MACROD2: variants seen among roughly 807,000 people sequenced by gnomAD.
The protein encoded by MACROD2 is mono-ADP ribosylhydrolase 2.
In MACROD2, 36 loss-of-function variants were observed where a neutral mutation model predicts 70.4. That is an observed-to-expected ratio of 0.51 (90% CI 0.39 to 0.68). The LOEUF (loss-of-function observed/expected upper bound fraction) is 0.68, where lower values mean the gene tolerates loss of function less well. MACROD2 is among the 30% of genes least tolerant of loss of function. The pLI is 0.00. For synonymous variants in MACROD2, 172 were observed against 178.8 expected (o/e 0.96, Z 0.30); for missense variants, 496 against 538.4 (o/e 0.92, Z 0.78).
At chr20:14,497,459 A>G (rs929647488) in intron 4 of MACROD2, among the ~76,000 whole-genome samples, 6 of 151,822 alleles carry the variant, frequency 4.0e-5, no homozygotes, top group African/African-American at 1.5e-4. Context: ...AAAAATCAGA[A>G]CTGAAGAGCT....
At position 15,258,694 on chromosome 20, in the gene MACROD2, C is replaced by T. The variant is rs373794792; in HGVS notation, c.540+28633C>T. Among the ~76,000 whole-genome samples, 3 of 152,086 alleles carry T rather than the reference C, an allele frequency of 2.0e-5. No homozygotes were observed. The East Asian group carries it at 5.8e-4, about 29-fold the overall frequency. The stretch of plus-strand genomic sequence containing the variant: ...CCCATCATTAACCAATGCATGATGA[C>T]AGGTAAAAAGGTTGATTACTGCCAA... On this transcript the variant is annotated intron_variant, in intron 6 of 17. Coordinates refer to ENST00000684519, the MANE Select transcript of MACROD2 (RefSeq NM_001351661.2).
intron 4 of MACROD2, among the ~76,000 whole-genome samples, chr20:14,532,488 G>T (rs563882583): frequency 1.3e-5 from 2 of 151,932 alleles, no homozygotes; most frequent in South Asian, 2.1e-4. Flanking sequence ...CTCCCAAAGT[G>T]CTGGGATTAC....
At chr20:14,853,664 T>A (rs1252558857) in intron 5 of MACROD2, among the ~76,000 whole-genome samples, 1 of 152,152 alleles carries the variant, frequency 6.6e-6, no homozygotes, top group Non-Finnish European at 1.5e-5. Context: ...CCTTAAGAAA[T>A]GAGTATGCTG....
chr20:15,237,754 A>G (rs1319870232), intron 6 of MACROD2, among the ~76,000 whole-genome samples: 1 of 151,974 alleles, frequency 6.6e-6, no homozygotes, highest in African/African-American at 2.4e-5. Flanking sequence ...GAACATGCCT[A>G]GAAGTGGTCC....
At chr20:14,257,597 C>G (rs1045496400) in intron 3 of MACROD2, among the ~76,000 whole-genome samples, 4 of 151,906 alleles carry the variant, frequency 2.6e-5, no homozygotes, top group Non-Finnish European at 5.9e-5. Context: ...CTGAGGTACC[C>G]CACATGGTGG....
chr20:15,566,694 C>T (rs907864929), intron 8 of MACROD2, among the ~76,000 whole-genome samples: 1 of 152,210 alleles, frequency 6.6e-6, no homozygotes, highest in African/African-American at 2.4e-5. Flanking sequence ...GTCATCATTT[C>T]CATCTTATTG....
chr20:14,544,109 G>C (rs1420240718), intron 4 of MACROD2, among the ~76,000 whole-genome samples: 1 of 152,134 alleles, frequency 6.6e-6, no homozygotes, highest in Non-Finnish European at 1.5e-5. Context: ...ACATTAAGTG[G>C]AGGAATGTTC....
rs183451060 is a variant in MACROD2, at chr20:14,741,671, A to T, written c.418+56712A>T. Among the ~76,000 whole-genome samples the T allele has an allele frequency of 3.3e-5, 5 of 152,254 alleles. No homozygotes were observed. In the East Asian group the frequency reaches 9.6e-4, roughly 29 times the overall value. ...TAAATTTTGAAAAATTAAATTTCCC[A>T]TGCATATTTTAACTTCTCCATTAGT... On this transcript the variant is annotated intron_variant, in intron 5 of 17. Transcript: ENST00000684519.
At chr20:15,805,473 A>T (rs8118396) in intron 8 of MACROD2, among the ~76,000 whole-genome samples, 1,871 of 149,406 alleles carry the variant, frequency 0.013, 43 homozygotes, top group African/African-American at 0.045. Flanking sequence ...AAAATAAGGA[A>T]TATTTCTTTT....
At chr20:15,675,517 T>G (rs1318316405) in intron 8 of MACROD2, among the ~76,000 whole-genome samples, 1 of 152,204 alleles carries the variant, frequency 6.6e-6, no homozygotes, top group Non-Finnish European at 1.5e-5. Context: ...TTACGGTAAA[T>G]TTTTCCAAGC....
At chr20:14,887,813 T>C (rs1342441625) in intron 5 of MACROD2, among the ~76,000 whole-genome samples, 1 of 151,546 alleles carries the variant, frequency 6.6e-6, no homozygotes, top group African/African-American at 2.4e-5. Context: ...AGTATCACAA[T>C]TGGACTTGTC....
At chr20:15,102,162 T>G (rs1473691295) in intron 5 of MACROD2, among the ~76,000 whole-genome samples, 1 of 151,906 alleles carries the variant, frequency 6.6e-6, no homozygotes, top group East Asian at 1.9e-4. Context: ...ATAAAATTGA[T>G]AAATACAGAC....
intron 8 of MACROD2, among the ~76,000 whole-genome samples, chr20:15,505,635 A>G (rs1400625934): frequency 2.0e-5 from 3 of 152,034 alleles, no homozygotes; most frequent in East Asian, 3.9e-4. Flanking sequence ...CCTCCTATCT[A>G]TACTGCTCTC....
chr20:15,649,845 A>G (rs879310373), intron 8 of MACROD2, among the ~76,000 whole-genome samples: 8 of 152,188 alleles, frequency 5.3e-5, no homozygotes, highest in Non-Finnish European at 7.3e-5. Flanking sequence ...AATGCTTTCC[A>G]TAACCCAAAG....
chr20:14,248,473 C>T (rs1289893063), intron 3 of MACROD2, among the ~76,000 whole-genome samples: 3 of 152,128 alleles, frequency 2.0e-5, no homozygotes, highest in East Asian at 1.9e-4. Context: ...ATCCCAGCTA[C>T]TCTGGAGGCG....
chr20:15,862,846 GT>G lies in MACROD2; in HGVS notation c.727+24del. 4 of 1,567,698 alleles carry G rather than the reference GT, an allele frequency of 2.6e-6. No individual in the cohort carries two copies. The highest frequency in any genetic ancestry group is 3.5e-6 in the Non-Finnish European group (4 of 1,145,290). ...CCGTAGGTGAGTAAAGCAACTTCTT[GT>G]TTTCTTTCAAATTGAGGATGGAAGA... On this transcript the variant is annotated intron_variant, in intron 9 of 17. Transcript: ENST00000684519.
intron 5 of MACROD2, among the ~76,000 whole-genome samples, chr20:15,147,076 A>C (rs571403546): frequency 5.6e-4 from 86 of 152,268 alleles, no homozygotes; most frequent in Non-Finnish European, 1.1e-3. Context: ...AATGCCCTTG[A>C]AATTGGAGTA....
chr20:14,571,385 G>T (rs1483649288), intron 4 of MACROD2, among the ~76,000 whole-genome samples: 1 of 152,024 alleles, frequency 6.6e-6, no homozygotes, highest in African/African-American at 2.4e-5. Context: ...ATGAAGTCCA[G>T]ATGATTAAAG....
At chr20:15,030,003 T>C (rs1043483649) in intron 5 of MACROD2, among the ~76,000 whole-genome samples, 3 of 150,072 alleles carry the variant, frequency 2.0e-5, no homozygotes, top group Non-Finnish European at 4.4e-5. Flanking sequence ...GGCACGAGAG[T>C]TGCTTGAACC....
Sources: gnomAD v4.1 joint callset for allele counts (sites outside exome capture counted in the v4.1 genomes callset) on GRCh38, gnomAD v4.1.1 for gene constraint, MANE v1.5 for transcripts, NCBI Gene and HGNC (gene_info 2026-07-23, HGNC 2026-07-21) for gene names.